DLGAP2: variants seen among roughly 807,000 people sequenced by gnomAD.
The protein encoded by DLGAP2 is disks large-associated protein 2.
DLGAP2 carries 26 observed loss-of-function variants against 100.3 expected under a neutral mutation model. The ratio of observed to expected loss-of-function variants is 0.26; its 90% CI spans 0.19 to 0.36. The LOEUF is 0.36. DLGAP2 is among the 10% of genes least tolerant of loss of function. DLGAP2 has a pLI of 1.00. For missense variants in DLGAP2, 1,858 were observed against 1,453.2 expected, an observed-to-expected ratio of 1.28 and a Z score of -4.53; for synonymous variants, 886 against 630.1, an observed-to-expected ratio of 1.41 and a Z score of -6.08.
In DLGAP2 at chr8:1,691,542, T is replaced by C. The variant is rs375501192; in HGVS notation, c.2712T>C (p.Gly904=). The change falls in exon 13 of 15, where the codon GGT becomes GGC. Residue 904 remains glycine (G), a synonymous_variant. Coordinates refer to ENST00000637795, the MANE Select transcript of DLGAP2 (RefSeq NM_001346810.2). ...EENDLSEEIL[G]KIRSAVGSAQ... is the part of the protein sequence containing the mutation. ...TGTTTTTGTTTTAAACAGTTCTCGG[T>C]AAAATCAGGAGTGCTGTTGGGAGTG... 6.2e-6 allele frequency: 10 copies of C among 1,613,398 alleles called. No homozygotes were observed. Among genetic ancestry groups the C allele is most frequent in the Non-Finnish European group, 8.5e-6 (10 of 1,179,790 alleles).
chr8:1,143,753 C>G (rs940120258), intron 2 of DLGAP2, among the ~76,000 whole-genome samples: 4 of 152,210 alleles, frequency 2.6e-5, no homozygotes, highest in African/African-American at 9.6e-5. Flanking sequence ...CTTTCAAACC[C>G]AACCTCCCCA....
rs537774545 is a variant in DLGAP2 at position 1,431,833 on chromosome 8, C to G, written c.107-69533C>G. On this transcript the variant is annotated intron_variant, in intron 3 of 14. Transcript: ENST00000637795. ...AGGGACTCTTCTGATGCCTCCGTGT[C>G]GATGGCCACCAAGCCCTGAGAACCC... Among the ~76,000 whole-genome samples the G allele has an allele frequency of 6.6e-5, 10 of 152,294 alleles. No individual in the cohort carries two copies. The East Asian group carries it at 9.7e-4, about 15-fold the overall frequency.
chr8:1,093,629 A>C (rs568689890), intron 2 of DLGAP2, among the ~76,000 whole-genome samples: 1 of 151,042 alleles, frequency 6.6e-6, no homozygotes, highest in African/African-American at 2.4e-5. Context: ...CGACAGCCAG[A>C]CAGAAACACT....
At chr8:855,393 G>C (rs1159901976) in intron 1 of DLGAP2, among the ~76,000 whole-genome samples, 1 of 152,148 alleles carries the variant, frequency 6.6e-6, no homozygotes. Context: ...CTGAGTGTGA[G>C]CTGCAGGAAT....
chr8:1,326,472 C>T (rs755239257), intron 3 of DLGAP2, among the ~76,000 whole-genome samples: 6 of 152,010 alleles, frequency 3.9e-5, no homozygotes, highest in Non-Finnish European at 5.9e-5. Context: ...GGACATGGCA[C>T]GCGCTCGGTC....
Position 976,069 on chromosome 8 carries a change from G to A in DLGAP2, c.73+68103G>A, listed in dbSNP as rs74425924. 3.5e-3 allele frequency among the ~76,000 whole-genome samples: 536 copies of A among 152,168 alleles called. 29 individuals are homozygous for A. The East Asian group carries it at 0.096, about 27-fold the overall frequency. On this transcript the variant is annotated intron_variant, in intron 2 of 14. Transcript: ENST00000637795. ...CACCAGCAATAAAAAATTGGAATTCGAAATGGAAGACACAAGATAAAATTA... is the reference window on the plus strand; with the variant it reads ...CACCAGCAATAAAAAATTGGAATTCAAAATGGAAGACACAAGATAAAATTA...
intron 1 of DLGAP2, among the ~76,000 whole-genome samples, chr8:776,917 G>C (rs1355475307): frequency 3.9e-5 from 6 of 152,134 alleles, no homozygotes; most frequent in Non-Finnish European, 8.8e-5. Context: ...TTGACTTTCT[G>C]TCTCGTTGAT....
At chr8:1,257,957 A>G (rs1799264024) in intron 2 of DLGAP2, among the ~76,000 whole-genome samples, 1 of 152,144 alleles carries the variant, frequency 6.6e-6, no homozygotes, top group South Asian at 2.1e-4. Context: ...CCCGGCCCCC[A>G]AGTCTGAATT....
intron 1 of DLGAP2, among the ~76,000 whole-genome samples, chr8:862,608 T>G (rs1177278815): frequency 6.6e-6 from 1 of 152,198 alleles, no homozygotes; most frequent in African/African-American, 2.4e-5. Flanking sequence ...CCAGTTTTAT[T>G]CCTGGAAATA....
Position 822,023 on chromosome 8 carries a change from T to G in DLGAP2, c.18+84198T>G, listed in dbSNP as rs187790582. 102 of 397,968 alleles carry G rather than the reference T, an allele frequency of 2.6e-4. 1 individual carries two copies. In the East Asian group the frequency reaches 3.2e-3, roughly 12 times the overall value. 24.7% of individuals were successfully genotyped at this position (397,968 alleles called of 1,614,324 possible). ...CACTTTTTAATGTACATTCCATTTTTTTCCCCATAGGGGAGGTTATTTACC... is the reference window on the plus strand; with the variant it reads ...CACTTTTTAATGTACATTCCATTTTGTTCCCCATAGGGGAGGTTATTTACC... On this transcript the variant is annotated intron_variant, in intron 1 of 14. Transcript: ENST00000637795.
chr8:885,713 A>G (rs1797909457), intron 1 of DLGAP2, among the ~76,000 whole-genome samples: 1 of 152,118 alleles, frequency 6.6e-6, no homozygotes, highest in Admixed American at 6.5e-5. Context: ...TTTCAGATGG[A>G]ATGCTTCCAG....
intron 3 of DLGAP2, among the ~76,000 whole-genome samples, chr8:1,312,762 G>C (rs999807904): frequency 6.6e-6 from 1 of 152,186 alleles, no homozygotes; most frequent in African/African-American, 2.4e-5. Context: ...TCATCCCATA[G>C]AAGTGCCCAT....
chr8:1,637,479 C>A lies in DLGAP2; in HGVS notation c.1810+4433C>A, dbSNP rs147937814. On this transcript the variant is annotated intron_variant, in intron 8 of 14. Coordinates refer to ENST00000637795, the MANE Select transcript of DLGAP2 (RefSeq NM_001346810.2). ...TCCATAAGTCAACAGCTATGCACTG[C>A]GAGGACCAGCCTGCACACCCCACAA... 2.5e-4 allele frequency among the ~76,000 whole-genome samples: 38 copies of A among 152,022 alleles called. No individual in the cohort carries two copies. In the East Asian group the frequency reaches 7.2e-3, roughly 29 times the overall value.
chr8:1,210,755 C>T (rs1291216426), intron 2 of DLGAP2, among the ~76,000 whole-genome samples: 1 of 151,670 alleles, frequency 6.6e-6, no homozygotes, highest in Admixed American at 6.6e-5. Flanking sequence ...TGGCAGCACC[C>T]CTGCAGGGCA....
At chr8:1,682,637 G>A (rs187187023) in intron 12 of DLGAP2, among the ~76,000 whole-genome samples, 4 of 151,394 alleles carry the variant, frequency 2.6e-5, no homozygotes, top group Non-Finnish European at 5.9e-5. Context: ...ACAGCACCTG[G>A]CTAATTTTGT....
At chr8:1,460,336 C>G (rs733596) in intron 3 of DLGAP2, among the ~76,000 whole-genome samples, 1 of 152,078 alleles carries the variant, frequency 6.6e-6, no homozygotes, top group Non-Finnish European at 1.5e-5. Flanking sequence ...AACTAAACCA[C>G]GGGCTCTGAT....
At chr8:1,102,621 TG>T (rs1185336861) in intron 2 of DLGAP2, among the ~76,000 whole-genome samples, 2 of 152,260 alleles carry the variant, frequency 1.3e-5, no homozygotes, top group African/African-American at 4.8e-5. Context: ...TTTCAGGAAA[TG>T]TTATCTCCCC....
intron 2 of DLGAP2, among the ~76,000 whole-genome samples, chr8:1,136,719 C>T (rs1198357299): frequency 3.3e-5 from 5 of 152,192 alleles, no homozygotes; most frequent in African/African-American, 9.7e-5. Context: ...AGGAACCACC[C>T]GAAGCCAGCT....
chr8:749,678 C>T (rs1252373165), intron 1 of DLGAP2, among the ~76,000 whole-genome samples: 2 of 151,896 alleles, frequency 1.3e-5, no homozygotes, highest in African/African-American at 2.4e-5. Context: ...TCTTTTTTTT[C>T]TCCAGTCAAT....
Sources: gnomAD v4.1 joint callset for allele counts (sites outside exome capture counted in the v4.1 genomes callset) on GRCh38, gnomAD v4.1.1 for gene constraint, MANE v1.5 for transcripts, NCBI Gene and HGNC (gene_info 2026-07-23, HGNC 2026-07-21) for gene names.